Variants in CEP112 observed in about 807,000 individuals in gnomAD.
CEP112 encodes centrosomal protein 112, also known as centrosomal protein of 112 kDa.
In CEP112, 127 loss-of-function variants were observed where a neutral mutation model predicts 153.0. The observed-to-expected ratio is 0.83, with a 90% CI of 0.72 to 0.96. The LOEUF (loss-of-function observed/expected upper bound fraction) is 0.96. Among genes scored for constraint, CEP112 ranks in the 40% least tolerant of loss-of-function variants. CEP112 has a pLI of 0.00. For synonymous variants in CEP112, 358 were observed against 374.4 expected (o/e 0.96, Z 0.51); for missense variants, 1,089 against 1,101.2 (o/e 0.99, Z 0.16).
intron 21 of CEP112, among the ~76,000 whole-genome samples, chr17:65,842,702 A>G (rs922229923): frequency 2.6e-5 from 4 of 152,188 alleles, no homozygotes; most frequent in African/African-American, 9.6e-5. Context: ...AGTGCCTCAC[A>G]TACAAACCAG....
chr17:66,141,320 T>C (rs1419588059), intron 4 of CEP112, among the ~76,000 whole-genome samples: 1 of 151,938 alleles, frequency 6.6e-6, no homozygotes, highest in African/African-American at 2.4e-5. Context: ...GTTCATCCCC[T>C]TTTCACATAT....
chr17:66,096,767 G>A, intron 6 of CEP112, 135 bp from the exon 7 acceptor site: 3 of 625,818 alleles, frequency 4.8e-6, no homozygotes, highest in South Asian at 2.2e-5. Context: ...TTTTAGAATG[G>A]GTATTGTATG....
intron 6 of CEP112, among the ~76,000 whole-genome samples, chr17:66,117,238 T>C (rs149990594): frequency 5.8e-4 from 88 of 152,154 alleles, no homozygotes; most frequent in African/African-American, 2.0e-3. Context: ...TCTAGGTGAA[T>C]CATGATTTTT....
intron 18 of CEP112, among the ~76,000 whole-genome samples, chr17:65,956,912 G>A (rs2062022116): frequency 6.6e-6 from 1 of 152,152 alleles, no homozygotes; most frequent in Non-Finnish European, 1.5e-5. Context: ...ACTTTGGATA[G>A]TAACAAACCC....
chr17:66,150,199 C>CTTT (rs369271405), intron 4 of CEP112, among the ~76,000 whole-genome samples: 2 of 129,700 alleles, frequency 1.5e-5, no homozygotes, highest in South Asian at 5.0e-4. Flanking sequence ...CGCGCCCGGC[C>CTTT]TTTTTTTTTT....
At chr17:65,992,933 TTTTTA>T (rs1488431317) in intron 17 of CEP112, among the ~76,000 whole-genome samples, 1 of 95,768 alleles carries the variant, frequency 1.0e-5, no homozygotes, top group Non-Finnish European at 2.3e-5. Context: ...TCTTTTTTGT[TTTTTA>T]TTTTTACTTT....
chr17:65,668,093 G>A (rs1199414439), intron 24 of CEP112, among the ~76,000 whole-genome samples: 3 of 151,892 alleles, frequency 2.0e-5, no homozygotes, highest in Non-Finnish European at 4.4e-5. Context: ...GATGGTTTTC[G>A]CCATGTTGGC....
At chr17:65,966,695 CA>C (rs918090236) in intron 17 of CEP112, among the ~76,000 whole-genome samples, 2 of 152,198 alleles carry the variant, frequency 1.3e-5, no homozygotes, top group African/African-American at 4.8e-5. Context: ...TTTAAAATAA[CA>C]ACTTTCATAA....
chr17:65,869,125 T>C (rs2058570894), intron 20 of CEP112, among the ~76,000 whole-genome samples: 1 of 152,234 alleles, frequency 6.6e-6, no homozygotes, highest in African/African-American at 2.4e-5. Flanking sequence ...CATTCTAACC[T>C]GCAAATAGAA....
chr17:65,812,816 T>G (rs1055700960), intron 21 of CEP112, among the ~76,000 whole-genome samples: 6 of 152,132 alleles, frequency 3.9e-5, no homozygotes, highest in African/African-American at 1.4e-4. Flanking sequence ...TTTCTACAGA[T>G]GCCAATGCAA....
In CEP112 at chr17:66,191,460, A is replaced by C. The variant is rs1379399587; in HGVS notation, c.-9+537T>G. ...TCAGAAACACAGGGTAGCATCCTAC[A>C]TGCGGCGGTGCTGGGCTTGGGCCTC... On this transcript the variant is annotated intron_variant, in intron 1 of 26. Coordinates refer to ENST00000535342, the MANE Select transcript of CEP112 (RefSeq NM_001199165.4). The surrounding 1 kb of genome is among the most constrained non-coding windows in gnomAD (Gnocchi z 4.2). Among the ~76,000 whole-genome samples the C allele has an allele frequency of 5.3e-5, 8 of 152,352 alleles. No individual in the cohort carries two copies. In the East Asian group the frequency reaches 1.5e-3, roughly 29 times the overall value.
chr17:66,107,139 T>C (rs1311831153), intron 6 of CEP112, among the ~76,000 whole-genome samples: 3 of 149,246 alleles, frequency 2.0e-5, no homozygotes, highest in Non-Finnish European at 4.5e-5. Flanking sequence ...AGAAGAAACA[T>C]ACTTCAGTAC....
At chr17:66,093,139 G>C (rs1034198908) in intron 8 of CEP112, among the ~76,000 whole-genome samples, 6 of 152,124 alleles carry the variant, frequency 3.9e-5, no homozygotes, top group Admixed American at 1.3e-4. Flanking sequence ...TTCAAGACAA[G>C]CCTGGACAAC....
At chr17:65,706,508 G>C (rs2048921350) in intron 23 of CEP112, among the ~76,000 whole-genome samples, 1 of 152,170 alleles carries the variant, frequency 6.6e-6, no homozygotes, top group South Asian at 2.1e-4. Context: ...AATCAAGAAA[G>C]ATACACACAG....
At position 66,066,819 on chromosome 17, in the gene CEP112, T is replaced by C. The variant is rs1341221366; in HGVS notation, c.914A>G (p.Gln305Arg). The change falls in exon 10 of 27, where the codon CAA becomes CGA. Residue 305 changes from glutamine (Q) to arginine (R), a missense_variant. Coordinates refer to ENST00000535342, the MANE Select transcript of CEP112 (RefSeq NM_001199165.4). The part of the protein sequence containing the change: ...EELKTLYRSK[Q>R]HETEETIRKL... ...TCTAATAGTCTCTTCAGTTTCATGTTGTTTACTCCTGTATAAAGTTTTCAG... is the reference window on the plus strand; with the variant it reads ...TCTAATAGTCTCTTCAGTTTCATGTCGTTTACTCCTGTATAAAGTTTTCAG... 1.3e-5 allele frequency: 21 copies of C among 1,555,664 alleles called. No individual in the cohort carries two copies. Among genetic ancestry groups the C allele is most frequent in the Middle Eastern group, 1.7e-4 (1 of 5,862 alleles).
intron 23 of CEP112, among the ~76,000 whole-genome samples, chr17:65,734,212 C>T (rs924164694): frequency 2.0e-5 from 3 of 152,194 alleles, no homozygotes; most frequent in East Asian, 1.9e-4. Flanking sequence ...TGATGCTTCG[C>T]AGAAAAGATG....
intron 20 of CEP112, among the ~76,000 whole-genome samples, chr17:65,876,453 C>T (rs1427304009): frequency 2.6e-5 from 4 of 152,048 alleles, no homozygotes; most frequent in African/African-American, 9.7e-5. Flanking sequence ...TATCTTGTTC[C>T]TACATAGAGG....
intron 18 of CEP112, among the ~76,000 whole-genome samples, chr17:65,934,701 C>T (rs2061245264): frequency 6.6e-6 from 1 of 152,110 alleles, no homozygotes; most frequent in African/African-American, 2.4e-5. Flanking sequence ...AAAGATATTT[C>T]ATGCAAATAG....
At chr17:65,827,600 T>C (rs1407338217) in intron 21 of CEP112, among the ~76,000 whole-genome samples, 1 of 152,154 alleles carries the variant, frequency 6.6e-6, no homozygotes, top group Admixed American at 6.5e-5. Context: ...AGTCAGATCA[T>C]GTCCCTTCAT....
Sources: gnomAD v4.1 joint callset for allele counts (sites outside exome capture counted in the v4.1 genomes callset) on GRCh38, gnomAD v4.1.1 for gene constraint, Gnocchi (gnomAD v3.1) non-coding constraint, MANE v1.5 for transcripts, NCBI Gene and HGNC (gene_info 2026-07-23, HGNC 2026-07-21) for gene names.